The following GBP4 variants were observed in gnomAD, a reference collection of about 807,000 sequenced individuals.
GBP4 encodes guanylate binding protein 4, also known as guanylate-binding protein 4.
In GBP4, 69 loss-of-function variants were observed where a neutral mutation model predicts 62.2. That is an observed-to-expected ratio of 1.11 (90% CI 0.91 to 1.36). The LOEUF (loss-of-function observed/expected upper bound fraction) is 1.36, where lower values mean the gene tolerates loss of function less well. Ranked by LOEUF, GBP4 falls within the 40% of genes most tolerant of loss-of-function variation. GBP4 has a pLI of 0.00. For missense variants in GBP4, 697 were observed against 759.3 expected (o/e 0.92, Z 0.96); for synonymous variants, 278 against 274.6 (o/e 1.01, Z -0.12).
chr1:89,198,047 T>C (rs1014888465), intron 1 of GBP4, among the ~76,000 whole-genome samples: 1 of 151,810 alleles, frequency 6.6e-6, no homozygotes, highest in African/African-American at 2.4e-5. Flanking sequence ...GTTAAAACAA[T>C]CCTACAGAAG....
intron 8 of GBP4, among the ~76,000 whole-genome samples, chr1:89,187,666 A>G (rs987971526): frequency 6.6e-6 from 1 of 152,218 alleles, no homozygotes; most frequent in Non-Finnish European, 1.5e-5. Context: ...TAAATATATT[A>G]AAAAATGAGC....
At chr1:89,186,589 G>T in intron 9 of GBP4, 63 bp from the exon 10 acceptor site, 1 of 1,456,360 alleles carries the variant, frequency 6.9e-7, no homozygotes, top group South Asian at 1.2e-5. Context: ...CTACCCTCCT[G>T]AGCTCAGATC....
chr1:89,192,495 A>T (rs772781451), intron 5 of GBP4, among the ~76,000 whole-genome samples: 2 of 152,172 alleles, frequency 1.3e-5, no homozygotes, highest in Non-Finnish European at 2.9e-5. Flanking sequence ...AGATCATTTG[A>T]CTTCTTGTGA....
At chr1:89,190,485 C>T (rs1051251618) in intron 6 of GBP4, among the ~76,000 whole-genome samples, 167 bp from the exon 7 acceptor site, 1 of 152,154 alleles carries the variant, frequency 6.6e-6, no homozygotes, top group Non-Finnish European at 1.5e-5. Context: ...GAATTCAACT[C>T]TTTATAATAA....
Position 89,193,074 on chromosome 1 carries a change from A to C in GBP4, c.500T>G (p.Ile167Ser). The change falls in exon 5 of 11, where the codon ATC becomes AGC. Residue 167 changes from isoleucine (I) to serine (S), a missense_variant. Physicochemically the swap from Ile to Ser is moderately radical, Grantham distance 142 (BLOSUM62 -2). Around this residue, in one of 2 missense-constraint regions of GBP4, gnomAD observed 556 missense variants for 562.7 expected, o/e 0.99. Transcript: ENST00000355754. ...LHYVTELAEL[I>S]RAKSCPRPDE... ...AGGTCTGGGGCAGGATTTTGCCCTG[A>C]TTAGCTCTGCTAGCTCAGTCACATA... 1 of 1,614,206 alleles carries C rather than the reference A, an allele frequency of 6.2e-7. No homozygotes were observed. The highest frequency in any genetic ancestry group is 8.5e-7 in the Non-Finnish European group (1 of 1,180,030).
chr1:89,186,437 C>A lies in GBP4; in HGVS notation c.1603G>T (p.Glu535Ter). 3 of 1,604,092 alleles carry A rather than the reference C, an allele frequency of 1.9e-6. No homozygotes were observed. The highest frequency in any genetic ancestry group is 2.6e-6 in the Non-Finnish European group (3 of 1,170,694). ...KEQQQMMEAQ[E>*]RSFQEYMAQM... ...GCCATGTATTCCTGGAAGCTTCTCT[C>A]TTGAGCCTCCATCATTTGCTGCTGC... is the stretch of plus-strand genomic sequence containing the variant. Residue 535 changes from glutamate to a stop codon, truncating the protein, a stop_gained, in exon 10 of 11, where the codon GAG (glutamate) becomes TAG (stop). Transcript: ENST00000355754. LOFTEE classifies it high-confidence loss of function.
In GBP4 at chr1:89,189,103, G is replaced by T. The variant is rs376901765; in HGVS notation, c.1198-309C>A. Among the ~76,000 whole-genome samples, 56 of 152,288 alleles carry T rather than the reference G, an allele frequency of 3.7e-4. 6 individuals carry two copies. The highest frequency in any genetic ancestry group is 9.1e-4 in the Admixed American group (14 of 15,302). On this transcript the variant is annotated intron_variant, in intron 7 of 10. Coordinates refer to ENST00000355754, the MANE Select transcript of GBP4 (RefSeq NM_052941.5). ...CTCCAGTAATGAGCAGTAAAAAGTT[G>T]AATTCTGGCTGGAAGCAAAATTTCC... is the stretch of plus-strand genomic sequence containing the variant.
At position 89,185,346 on chromosome 1, in the gene GBP4, G is replaced by A. The variant is rs1472961154; in HGVS notation, c.1831C>T (p.Leu611Phe). The A allele has an allele frequency of 1.2e-6, 2 of 1,612,684 alleles. No homozygotes were observed. The highest frequency in any genetic ancestry group is 1.7e-6 in the Non-Finnish European group (2 of 1,178,748). Reference protein sequence around the residue: ...KNEQLRLLKILDMASNIMIVT... With the variant: ...KNEQLRLLKIFDMASNIMIVT... ...ATCATTATGTTGCTAGCCATGTCAA[G>A]GATCTTTAAGAGCCTTAACTGTTCA... is the stretch of plus-strand genomic sequence containing the variant. Residue 611 changes from leucine to phenylalanine, a missense_variant, in exon 11 of 11, where the codon CTT (leucine) becomes TTT (phenylalanine). By Grantham distance (22) the Leu-to-Phe change is conservative. This residue lies in a region of GBP4 where 141 missense variants were observed against 196.6 expected (regional missense o/e 0.72). Coordinates refer to ENST00000355754, the MANE Select transcript of GBP4 (RefSeq NM_052941.5).
Position 89,181,521 on chromosome 1 carries a change from CTAAA to C in GBP4, c.*3729_*3732del, listed in dbSNP as rs1397499863. 1 of 151,898 alleles carries C rather than the reference CTAAA, an allele frequency of 6.6e-6. No individual in the cohort carries two copies. Among genetic ancestry groups the C allele is most frequent in the Non-Finnish European group, 1.5e-5 (1 of 68,044 alleles). 9.4% of individuals were successfully genotyped at this position (151,898 alleles called of 1,614,324 possible). ...AGAGGCCTGACATTTAGTATATTTA[CTAAA>C]TAGATATAAAATATATTTACTAACT... On this transcript the variant is annotated 3_prime_UTR_variant, in exon 11 of 11. Transcript: ENST00000355754.
At position 89,186,952 on chromosome 1, in the gene GBP4, T is replaced by C. The variant is rs377546209; in HGVS notation, c.1513+48A>G. On this transcript the variant is annotated intron_variant, in intron 9 of 10. Coordinates refer to ENST00000355754, the MANE Select transcript of GBP4 (RefSeq NM_052941.5). ...TTTCAGTGTGATCAGCAAGAAGGCA[T>C]TGCAGGAAACTCCCAATCCCTCTGA... 33 of 1,532,774 alleles carry C rather than the reference T, an allele frequency of 2.2e-5. No homozygotes were observed. In the South Asian group the frequency reaches 3.2e-4, roughly 15 times the overall value. 94.9% of individuals were successfully genotyped at this position (1,532,774 alleles called of 1,614,324 possible). A position where few individuals can be genotyped will look rare whatever the true frequency, so the allele number is the denominator to read the frequency against.
chr1:89,189,763 A>T (rs1306341184), intron 7 of GBP4, among the ~76,000 whole-genome samples: 1 of 152,232 alleles, frequency 6.6e-6, no homozygotes, highest in African/African-American at 2.4e-5. Context: ...GAGTACCCAG[A>T]CACCCTGATA....
chr1:89,181,610 ATAG>A lies in GBP4; in HGVS notation c.*3641_*3643del, dbSNP rs754149137. 7.9e-5 allele frequency: 12 copies of A among 152,104 alleles called. No individual in the cohort carries two copies. The highest frequency in any genetic ancestry group is 1.9e-4 in the African/African-American group (8 of 41,418). 9.4% of individuals were successfully genotyped at this position (152,104 alleles called of 1,614,324 possible). A position where few individuals can be genotyped will look rare whatever the true frequency, so the allele number is the denominator to read the frequency against. On this transcript the variant is annotated 3_prime_UTR_variant, in exon 11 of 11. Coordinates refer to ENST00000355754, the MANE Select transcript of GBP4 (RefSeq NM_052941.5). ...TTTATATGTACTATATAAATACCCA[ATAG>A]TAGAATTGCTAGACAAAATGTATGT...
intron 10 of GBP4, among the ~76,000 whole-genome samples, chr1:89,185,834 A>G (rs1369633246): frequency 2.0e-5 from 3 of 152,192 alleles, no homozygotes; most frequent in African/African-American, 7.2e-5. Context: ...CCTGTATAAA[A>G]CATTGGTTGT....
rs1648111899 is a variant in GBP4, at chr1:89,188,942, AAC to A, written c.1198-150_1198-149del. Reference sequence around the variant, plus strand: ...GAGTCACAAGAATGATTTTGTTCCCAACTATGTGATCTGTGTGACCTGTGGAA... The same window carrying A: ...GAGTCACAAGAATGATTTTGTTCCCATATGTGATCTGTGTGACCTGTGGAA... On this transcript the variant is annotated intron_variant, in intron 7 of 10. Coordinates refer to ENST00000355754, the MANE Select transcript of GBP4 (RefSeq NM_052941.5). The A allele has an allele frequency of 1.9e-5, 16 of 856,330 alleles. No individual in the cohort carries two copies. The South Asian group carries it at 2.7e-4, about 14-fold the overall frequency. The allele number at this position is 856,330 out of a possible 1,614,324, so 53.0% of individuals were successfully genotyped here.
In GBP4 at chr1:89,185,440, A is replaced by G. The variant is rs760355447; in HGVS notation, c.1737T>C (p.Phe579=). 6.4e-7 allele frequency: 1 copy of G among 1,565,214 alleles called. No individual in the cohort carries two copies. Among genetic ancestry groups the G allele is most frequent in the South Asian group, 1.1e-5 (1 of 89,830 alleles). The part of the protein sequence containing the change: ...KVQEEMLKEE[F]QKKSEQLNKE... ...TATTTAACTGCTCAGATTTCTTTTG[A>G]AATTCTTCCTTAAGCATTTCTTCTT... The change falls in exon 11 of 11, where the codon TTT becomes TTC. Residue 579 remains phenylalanine, a synonymous_variant. Transcript: ENST00000355754.
In GBP4 at chr1:89,188,446, A is replaced by G; in HGVS notation, c.1410+136T>C. ...AGTGTCTAACTAACTGTGGATTTAA[A>G]TACTAAAAAACTCAAAATAGCATCA... is the stretch of plus-strand genomic sequence containing the variant. On this transcript the variant is annotated intron_variant, in intron 8 of 10. Coordinates refer to ENST00000355754, the MANE Select transcript of GBP4 (RefSeq NM_052941.5). The G allele has an allele frequency of 4.2e-6, 3 of 717,152 alleles. No homozygotes were observed. In the Admixed American group the frequency reaches 6.8e-5, roughly 16 times the overall value. 44.4% of individuals were successfully genotyped at this position (717,152 alleles called of 1,614,324 possible).
chr1:89,193,503 G>T (rs1648245496), intron 3 of GBP4, 91 bp from the exon 4 acceptor site: 2 of 1,145,580 alleles, frequency 1.7e-6, no homozygotes, highest in South Asian at 2.8e-5. Flanking sequence ...TCAGCTGTAT[G>T]ATAGTTGAAT....
At chr1:89,189,533 T>G (rs1435748776) in intron 7 of GBP4, among the ~76,000 whole-genome samples, 1 of 152,250 alleles carries the variant, frequency 6.6e-6, no homozygotes, top group Non-Finnish European at 1.5e-5. Flanking sequence ...ACAAGTTGAC[T>G]TTGAGAAATG....
At position 89,193,424 on chromosome 1, in the gene GBP4, A is replaced by T. The variant is rs1229545300; in HGVS notation, c.364-12T>A. 5 of 1,603,950 alleles carry T rather than the reference A, an allele frequency of 3.1e-6. No individual in the cohort carries two copies. The African/African-American group carries it at 5.4e-5, about 17-fold the overall frequency. On this transcript the variant is annotated splice_polypyrimidine_tract_variant and intron_variant, in intron 3 of 10. Coordinates refer to ENST00000355754, the MANE Select transcript of GBP4 (RefSeq NM_052941.5). ...TTCTTAGGGTTACTCTAGAAAGCAT[A>T]TAAAGCAAAAGACTTAGGAGTATTC...
Sources: gnomAD v4.1 joint callset for allele counts (sites outside exome capture counted in the v4.1 genomes callset) on GRCh38, gnomAD v4.1.1 for gene constraint, gnomAD v4.1.1 regional missense constraint, MANE v1.5 for transcripts, NCBI Gene and HGNC (gene_info 2026-07-23, HGNC 2026-07-21) for gene names.